SEC23A: variants seen among roughly 807,000 people sequenced by gnomAD.
The protein encoded by SEC23A is SEC23 homolog A, COPII component.
A neutral mutation model predicts 103.7 loss-of-function variants in SEC23A; 56 were observed. The observed-to-expected ratio is 0.54, with a 90% CI of 0.44 to 0.67. The LOEUF (loss-of-function observed/expected upper bound fraction) is 0.67, where lower values mean the gene tolerates loss of function less well. SEC23A is among the 30% of genes least tolerant of loss of function. The pLI is 0.00. For missense variants in SEC23A, 784 were observed against 936.4 expected (o/e 0.84, Z 2.12); for synonymous variants, 281 against 293.0 (o/e 0.96, Z 0.42).
chr14:39,101,750 T>A (rs1566520679), intron 1 of SEC23A, among the ~76,000 whole-genome samples: 1 of 152,250 alleles, frequency 6.6e-6, no homozygotes, highest in Non-Finnish European at 1.5e-5. Flanking sequence ...CAATTACATG[T>A]ATTTGTTAGT....
chr14:39,038,926 C>A, intron 19 of SEC23A, 105 bp downstream of exon 19: 1 of 999,762 alleles, frequency 1.0e-6, no homozygotes, highest in Non-Finnish European at 1.6e-6. Context: ...ACTTTTCCAA[C>A]AGAAACCATT....
chr14:39,036,647 A>G (rs1268551005), intron 19 of SEC23A, among the ~76,000 whole-genome samples: 1 of 152,146 alleles, frequency 6.6e-6, no homozygotes, highest in Admixed American at 6.5e-5. Flanking sequence ...ACCAATGCTT[A>G]ACGTCCATAT....
Position 39,091,523 on chromosome 14 carries a change from C to T in SEC23A, c.557G>A (p.Ser186Asn), listed in dbSNP as rs541602739. 9 of 1,613,872 alleles carry T rather than the reference C, an allele frequency of 5.6e-6. No individual in the cohort carries two copies. The highest frequency in any genetic ancestry group is 7.6e-6 in the Non-Finnish European group (9 of 1,179,990). Reference protein sequence around the residue: ...HELGCEGISKSYVFRGTKDLS... With the variant: ...HELGCEGISKNYVFRGTKDLS... The stretch of plus-strand genomic sequence containing the variant: ...ATCTTTTGTTCCTCTGAAGACATAG[C>T]TTTTTGAAATGCCTTCACATCCAAG... The change falls in exon 5 of 20, where the codon AGC becomes AAC. Residue 186 changes from serine (S) to asparagine (N), a missense_variant. Coordinates refer to ENST00000307712, the MANE Select transcript of SEC23A (RefSeq NM_006364.4).
intron 18 of SEC23A, chr14:39,039,962 A>G (rs1885582695): frequency 6.6e-6 from 1 of 152,262 alleles, no homozygotes. Flanking sequence ...TAAAACTAAT[A>G]GTAATTATCA....
At position 39,095,933 on chromosome 14, in the gene SEC23A, A is replaced by C; in HGVS notation, c.186T>G (p.Ser62Arg). The change falls in exon 2 of 20, where the codon AGT becomes AGG. Residue 62 changes from serine to arginine, a missense_variant. Ser to Arg is a moderately radical substitution (Grantham distance 110). This residue lies in a region of SEC23A where 683 missense variants were observed against 774.2 expected (regional missense o/e 0.88). Transcript: ENST00000307712. ...PPIQYEPVLC[S>R]RTTCRAVLNP... ...TCAAAACTGCACGGCAAGTGGTCCT[A>C]CTACACAGAACAGGTTCATATTGAA... The C allele has an allele frequency of 6.2e-7, 1 of 1,614,110 alleles. No homozygotes were observed. Among genetic ancestry groups the C allele is most frequent in the East Asian group, 2.2e-5 (1 of 44,880 alleles).
intron 9 of SEC23A, among the ~76,000 whole-genome samples, chr14:39,071,134 C>T (rs978914178): frequency 6.6e-6 from 1 of 152,008 alleles, no homozygotes; most frequent in Non-Finnish European, 1.5e-5. Flanking sequence ...CCAGCCAGGG[C>T]AATTAGGCAA....
intron 7 of SEC23A, among the ~76,000 whole-genome samples, chr14:39,077,227 CAAAAAAAAAAAAA>C (rs57549556): frequency 1.2e-3 from 45 of 36,480 alleles, no homozygotes; most frequent in Admixed American, 2.3e-3. Flanking sequence ...GACTCCATCT[CAAAAAAAAAAAAA>C]AAAAAAAAAA....
At chr14:39,090,629 C>T (rs1347518798) in intron 5 of SEC23A, among the ~76,000 whole-genome samples, 2 of 152,074 alleles carry the variant, frequency 1.3e-5, no homozygotes, top group African/African-American at 4.8e-5. Context: ...GAAATAAAAG[C>T]TCTCTCCTCA....
intron 7 of SEC23A, among the ~76,000 whole-genome samples, chr14:39,080,864 C>T (rs1449536999): frequency 6.6e-6 from 1 of 151,828 alleles, no homozygotes; most frequent in African/African-American, 2.4e-5. Flanking sequence ...AACAAAAACC[C>T]TACAAGATAA....
At chr14:39,095,794 A>C in intron 2 of SEC23A, 104 bp downstream of exon 2, 1 of 956,544 alleles carries the variant, frequency 1.0e-6, no homozygotes, top group Non-Finnish European at 1.6e-6. Flanking sequence ...ATTTGAAAAA[A>C]TTAGTATGAA....
intron 13 of SEC23A, among the ~76,000 whole-genome samples, chr14:39,059,299 AAAAAAAAAAAAC>A (rs1326356305): frequency 2.6e-3 from 199 of 75,398 alleles, no homozygotes; most frequent in Admixed American, 4.2e-3. Flanking sequence ...AAAAAAAAAA[AAAAAAAAAAAAC>A]AACAAGGTGC....
chr14:39,055,716 C>T lies in SEC23A; in HGVS notation c.1506-420G>A, dbSNP rs75534251. Reference sequence around the variant, plus strand: ...CAAAGCCCAGACCCAGGCAAAGTATCGATAACATTATCCAAGAAGCCAGGG... The same window carrying T: ...CAAAGCCCAGACCCAGGCAAAGTATTGATAACATTATCCAAGAAGCCAGGG... On this transcript the variant is annotated intron_variant, in intron 13 of 19. Coordinates refer to ENST00000307712, the MANE Select transcript of SEC23A (RefSeq NM_006364.4). Among the ~76,000 whole-genome samples the T allele has an allele frequency of 3.9e-4, 60 of 152,288 alleles. No individual in the cohort carries two copies. In the East Asian group the frequency reaches 0.011, roughly 28 times the overall value.
chr14:39,098,691 T>C (rs1887977969), intron 1 of SEC23A, among the ~76,000 whole-genome samples: 1 of 151,738 alleles, frequency 6.6e-6, no homozygotes. Flanking sequence ...GGAGAATCAC[T>C]TGAACCCGGG....
chr14:39,075,877 G>T, intron 8 of SEC23A, 58 bp downstream of exon 8: 1 of 1,428,370 alleles, frequency 7.0e-7, no homozygotes, highest in Non-Finnish European at 9.9e-7. Flanking sequence ...TTCTTCTTCT[G>T]CCAGCAAATG....
In SEC23A at chr14:39,085,902, A is replaced by C. The variant is rs531405804; in HGVS notation, c.688T>G (p.Leu230Val). The change falls in exon 7 of 20, where the codon TTA becomes GTA. Residue 230 changes from leucine (L) to valine (V), a missense_variant. Physicochemically the swap from Leu to Val is conservative, Grantham distance 32. Coordinates refer to ENST00000307712, the MANE Select transcript of SEC23A (RefSeq NM_006364.4). Reference sequence around the variant, plus strand: ...ATGTCTATTTTCTGTACTGGTTGTAAGAATCTAAGAAACAGAATTAAATAA... The same window carrying C: ...ATGTCTATTTTCTGTACTGGTTGTACGAATCTAAGAAACAGAATTAAATAA... Reference protein sequence around the residue: ...VQQPPPSNRFLQPVQKIDMNL... With the variant: ...VQQPPPSNRFVQPVQKIDMNL... 1 of 1,612,902 alleles carries C rather than the reference A, an allele frequency of 6.2e-7. No individual in the cohort carries two copies. The highest frequency in any genetic ancestry group is 1.1e-5 in the South Asian group (1 of 91,066).
intron 7 of SEC23A, among the ~76,000 whole-genome samples, chr14:39,081,508 C>G (rs57566573): frequency 0.018 from 2,703 of 152,302 alleles, 94 homozygotes; most frequent in African/African-American, 0.062. Flanking sequence ...ATATTTTGTA[C>G]TATATATTCT....
chr14:39,056,474 A>C (rs1186685860), intron 13 of SEC23A, among the ~76,000 whole-genome samples: 1 of 149,694 alleles, frequency 6.7e-6, no homozygotes, highest in Non-Finnish European at 1.5e-5. Flanking sequence ...TAGACAAATT[A>C]GCTTTTTTTT....
chr14:39,094,529 C>G (rs2139295846), intron 2 of SEC23A, among the ~76,000 whole-genome samples: 1 of 147,798 alleles, frequency 6.8e-6, no homozygotes, highest in South Asian at 2.1e-4. Flanking sequence ...TCCCAAAGCA[C>G]TGGGATTACA....
chr14:39,039,777 C>G (rs1885575506), intron 18 of SEC23A: 1 of 152,208 alleles, frequency 6.6e-6, no homozygotes, highest in African/African-American at 2.4e-5. Context: ...AGTACCAGGA[C>G]TCAAATCCCA....
Sources: gnomAD v4.1 joint callset for allele counts (sites outside exome capture counted in the v4.1 genomes callset) on GRCh38, gnomAD v4.1.1 for gene constraint, gnomAD v4.1.1 regional missense constraint, MANE v1.5 for transcripts, NCBI Gene and HGNC (gene_info 2026-07-23, HGNC 2026-07-21) for gene names.